Variants in GRID1 observed in about 807,000 individuals in gnomAD.
GRID1 encodes glutamate receptor ionotropic, delta-1.
GRID1 carries 28 observed loss-of-function variants against 98.0 expected under a neutral mutation model. The ratio of observed to expected loss-of-function variants is 0.29; its 90% CI spans 0.21 to 0.39. GRID1 has a LOEUF of 0.39. Ranked by LOEUF, GRID1 falls within the 10% of genes least tolerant of loss-of-function variation. GRID1 has a pLI of 1.00. For missense variants in GRID1, 1,111 were observed against 1,340.5 expected, an observed-to-expected ratio of 0.83 and a Z score of 2.67; for synonymous variants, 553 against 538.5, an observed-to-expected ratio of 1.03 and a Z score of -0.37.
At chr10:85,731,911 G>GAGAA (rs370189299) in intron 8 of GRID1, among the ~76,000 whole-genome samples, 2 of 122,312 alleles carry the variant, frequency 1.6e-5, no homozygotes, top group African/African-American at 7.8e-5. Context: ...GAGAAAGAAA[G>GAGAA]AGAAAGAAAG....
chr10:85,720,854 TC>T (rs1841693293), intron 12 of GRID1, among the ~76,000 whole-genome samples: 1 of 152,108 alleles, frequency 6.6e-6, no homozygotes, highest in Non-Finnish European at 1.5e-5. Context: ...AATAAATAAT[TC>T]TCTAAATTGA....
At chr10:85,972,524 A>G (rs2131855849) in intron 4 of GRID1, among the ~76,000 whole-genome samples, 1 of 149,668 alleles carries the variant, frequency 6.7e-6, no homozygotes, top group African/African-American at 2.5e-5. Context: ...ATCACTACAT[A>G]GGTATAATTC....
At chr10:86,035,175 T>C (rs145636653) in intron 4 of GRID1, among the ~76,000 whole-genome samples, 1 of 152,302 alleles carries the variant, frequency 6.6e-6, no homozygotes, top group Non-Finnish European at 1.5e-5. Context: ...TCAGTTCTAA[T>C]AGGCCTGTTA....
chr10:86,351,775 C>T (rs1848465705), intron 2 of GRID1, among the ~76,000 whole-genome samples: 1 of 152,226 alleles, frequency 6.6e-6, no homozygotes, highest in African/African-American at 2.4e-5. Context: ...ATCCCCATCC[C>T]TCTGCACTGG....
At chr10:86,198,501 A>G (rs938285966) in intron 3 of GRID1, among the ~76,000 whole-genome samples, 8 of 152,164 alleles carry the variant, frequency 5.3e-5, no homozygotes, top group Non-Finnish European at 1.2e-4. Context: ...AGTAAGTGTT[A>G]CTGAGCAGTT....
chr10:86,356,519 C>G (rs912585419), intron 2 of GRID1, among the ~76,000 whole-genome samples: 19 of 152,180 alleles, frequency 1.2e-4, no homozygotes, highest in Non-Finnish European at 2.4e-4. Context: ...GTGAGCACAT[C>G]CAGGCTGAGC....
intron 4 of GRID1, among the ~76,000 whole-genome samples, chr10:85,936,183 A>G (rs1383171837): frequency 6.6e-6 from 1 of 152,250 alleles, no homozygotes; most frequent in Non-Finnish European, 1.5e-5. Context: ...GCTGAACTAC[A>G]TCTTAAAAAT....
chr10:86,244,295 C>T (rs1245830448), intron 2 of GRID1, among the ~76,000 whole-genome samples: 3 of 152,306 alleles, frequency 2.0e-5, no homozygotes, highest in East Asian at 1.9e-4. Context: ...GGCAGAGTTG[C>T]GGGGCCTGCT....
intron 2 of GRID1, among the ~76,000 whole-genome samples, chr10:86,229,325 C>T (rs66738060): frequency 3.3e-5 from 5 of 151,970 alleles, no homozygotes. Context: ...AAACACCAGG[C>T]AGCACTGCAA....
intron 5 of GRID1, among the ~76,000 whole-genome samples, chr10:85,873,215 C>T (rs1055374577): frequency 1.3e-5 from 2 of 152,178 alleles, no homozygotes; most frequent in African/African-American, 4.8e-5. Flanking sequence ...TGAGACACCC[C>T]GACCTCGGGA....
At chr10:86,150,773 C>G (rs1845156142) in intron 3 of GRID1, among the ~76,000 whole-genome samples, 1 of 152,082 alleles carries the variant, frequency 6.6e-6, no homozygotes, top group East Asian at 1.9e-4. Flanking sequence ...AATTAGTGGC[C>G]TTATAAGAAA....
intron 4 of GRID1, among the ~76,000 whole-genome samples, chr10:85,989,279 G>A (rs1842649746): frequency 6.6e-6 from 1 of 152,346 alleles, no homozygotes; most frequent in South Asian, 2.1e-4. Flanking sequence ...AGCTTGCCCT[G>A]AGGGGAAGGC....
At chr10:85,812,266 ATAGT>A (rs1003493424) in intron 8 of GRID1, among the ~76,000 whole-genome samples, 18 of 152,328 alleles carry the variant, frequency 1.2e-4, no homozygotes, top group Admixed American at 1.1e-3. Flanking sequence ...TACAAAAATC[ATAGT>A]TAGAACAGAT....
rs540423231 is a variant in GRID1, at chr10:86,044,383, G to A, written c.726+94436C>T. ...ACATGCTAGTGAGTGACTTTACCTC[G>A]GTTACATTTTAATTGCTGGTCTTTT... On this transcript the variant is annotated intron_variant, in intron 4 of 15. Coordinates refer to ENST00000327946, the MANE Select transcript of GRID1 (RefSeq NM_017551.3). Among the ~76,000 whole-genome samples the A allele has an allele frequency of 2.1e-4, 32 of 152,228 alleles. 1 individual carries two copies. Among genetic ancestry groups the A allele is most frequent in the African/African-American group, 5.8e-4 (24 of 41,536 alleles).
chr10:85,921,353 G>A (rs55694622), intron 4 of GRID1, among the ~76,000 whole-genome samples: 3,825 of 152,302 alleles, frequency 0.025, 71 homozygotes, highest in Non-Finnish European at 0.036. Context: ...CTGGGGAGCC[G>A]ACTGTGGAAG....
At chr10:85,926,524 T>C (rs1841776582) in intron 4 of GRID1, among the ~76,000 whole-genome samples, 1 of 152,192 alleles carries the variant, frequency 6.6e-6, no homozygotes, top group Admixed American at 6.5e-5. Flanking sequence ...CCCAAAGCTC[T>C]TGGGGACCTC....
intron 4 of GRID1, among the ~76,000 whole-genome samples, chr10:85,966,416 G>C (rs1232839976): frequency 6.6e-6 from 1 of 152,118 alleles, no homozygotes; most frequent in African/African-American, 2.4e-5. Flanking sequence ...AGAAAGTAAA[G>C]AATACAGAGA....
intron 4 of GRID1, among the ~76,000 whole-genome samples, chr10:85,940,501 C>T (rs1841985650): frequency 6.6e-6 from 1 of 152,166 alleles, no homozygotes; most frequent in South Asian, 2.1e-4. Context: ...ACTGATGTGG[C>T]TTCTGAAAAA....
chr10:86,010,190 C>G (rs1014190256), intron 4 of GRID1, among the ~76,000 whole-genome samples: 1 of 152,204 alleles, frequency 6.6e-6, no homozygotes, highest in South Asian at 2.1e-4. Context: ...GTATATACTC[C>G]TATTTTGGCA....
Sources: gnomAD v4.1 joint callset for allele counts (sites outside exome capture counted in the v4.1 genomes callset) on GRCh38, gnomAD v4.1.1 for gene constraint, MANE v1.5 for transcripts, NCBI Gene and HGNC (gene_info 2026-07-23, HGNC 2026-07-21) for gene names.